The following ASB4 variants were observed in gnomAD, a reference collection of about 807,000 sequenced individuals.
ASB4 encodes the protein ankyrin repeat and SOCS box protein 4.
A neutral mutation model predicts 38.6 loss-of-function variants in ASB4; 35 were observed. The observed-to-expected ratio is 0.91, with a 90% CI of 0.69 to 1.20. The LOEUF is 1.20. Ranked by LOEUF, ASB4 falls within the 50% of genes most tolerant of loss-of-function variation. The pLI is 0.00. For synonymous variants in ASB4, 195 were observed against 201.3 expected, an observed-to-expected ratio of 0.97 and a Z score of 0.26; for missense variants, 557 against 527.2, an observed-to-expected ratio of 1.06 and a Z score of -0.55.
At chr7:95,477,818 A>C (rs10233276), upstream of ASB4, among the ~76,000 whole-genome samples, 1,367 of 150,380 alleles carry the variant, frequency 9.1e-3, 23 homozygotes, top group African/African-American at 0.032. Flanking sequence ...GTTTCTCTTT[A>C]GGTATACTAT....
chr7:95,550,951 G>GT, the ASB4 span, among the ~76,000 whole-genome samples: 4 of 152,016 alleles, frequency 2.6e-5, no homozygotes, highest in African/African-American at 9.7e-5. Context: ...TATTTACCAT[G>GT]TTTTTTCCTC....
chr7:95,495,210 A>G lies in ASB4; in HGVS notation c.188-548A>G, dbSNP rs1374473653. 2.0e-5 allele frequency among the ~76,000 whole-genome samples: 3 copies of G among 152,340 alleles called. No individual in the cohort carries two copies. The East Asian group carries it at 5.8e-4, about 29-fold the overall frequency. On this transcript the variant is annotated intron_variant, in intron 1 of 4. Transcript: ENST00000325885. ...AGCGATATTGCATAAATCAACAGGC[A>G]GGCAAATAAAATCTTGGAGTGATAA...
intron 2 of ASB4, among the ~76,000 whole-genome samples, chr7:95,521,500 A>G (rs962100858): frequency 1.1e-4 from 16 of 152,104 alleles, no homozygotes; most frequent in Admixed American, 8.5e-4. Context: ...TGATGAATAT[A>G]ATTTAATATG....
intron 1 of ASB4, among the ~76,000 whole-genome samples, chr7:95,494,792 G>C (rs575789306): frequency 2.0e-5 from 3 of 152,158 alleles, no homozygotes; most frequent in Non-Finnish European, 2.9e-5. Flanking sequence ...CCAGCTCAGC[G>C]TATAGAAGTC....
intron 4 of ASB4, 136 bp downstream of exon 4, chr7:95,536,686 G>T (rs560378182): frequency 1.8e-6 from 1 of 543,112 alleles, no homozygotes; most frequent in Non-Finnish European, 3.3e-6. Context: ...GAGACAAAGG[G>T]TTATAAAATG....
chr7:95,536,628 C>T (rs1790893857), intron 4 of ASB4, 78 bp downstream of exon 4: 1 of 1,081,776 alleles, frequency 9.2e-7, no homozygotes, highest in African/African-American at 1.6e-5. Context: ...AAAATTGTAA[C>T]AAAAAAGTTG....
At chr7:95,485,083 C>A (rs1480105984), upstream of ASB4, among the ~76,000 whole-genome samples, 1 of 149,500 alleles carries the variant, frequency 6.7e-6, no homozygotes, top group Non-Finnish European at 1.5e-5. Flanking sequence ...CACATACACA[C>A]ACATCTATTT....
At chr7:95,498,051 A>T (rs1790276739) in intron 2 of ASB4, among the ~76,000 whole-genome samples, 1 of 152,180 alleles carries the variant, frequency 6.6e-6, no homozygotes, top group Admixed American at 6.5e-5. Context: ...TAGGAGTGGG[A>T]TGATGGCTAT....
chr7:95,550,261 G>A, the ASB4 span, among the ~76,000 whole-genome samples: 1 of 152,256 alleles, frequency 6.6e-6, no homozygotes, highest in South Asian at 2.1e-4. Flanking sequence ...ACTCCAGAGA[G>A]GAACTATGTG....
intron 2 of ASB4, among the ~76,000 whole-genome samples, chr7:95,523,034 A>C (rs1413912043): frequency 6.6e-6 from 1 of 152,184 alleles, no homozygotes; most frequent in Admixed American, 6.5e-5. Flanking sequence ...TGTAAAGAAA[A>C]CTTTTTAGAG....
rs1420581416 is a variant in ASB4, at chr7:95,515,316, T to TCTTTCTTTCTTTCTTC, written c.488-12494_488-12493insTCTTTCTTTCTTCCTT. Among the ~76,000 whole-genome samples the TCTTTCTTTCTTTCTTC allele has an allele frequency of 6.7e-3, 646 of 95,726 alleles. 34 individuals carry two copies. Among genetic ancestry groups the TCTTTCTTTCTTTCTTC allele is most frequent in the Admixed American group, 9.5e-3 (83 of 8,772 alleles). The allele number at this position is 95,726 out of a possible 152,430, so 62.8% of individuals were successfully genotyped here. On this transcript the variant is annotated intron_variant, in intron 2 of 4. Coordinates refer to ENST00000325885, the MANE Select transcript of ASB4 (RefSeq NM_016116.3). Reference sequence around the variant, plus strand: ...TTCTTTCTTTCTTTCTTTCTTTCTTTCTTCCTTCCTTCCTTCCTTTCTTTC... The same window carrying TCTTTCTTTCTTTCTTC: ...TTCTTTCTTTCTTTCTTTCTTTCTTTCTTTCTTTCTTTCTTCCTTCCTTCCTTCCTTCCTTTCTTTC...
intron 4 of ASB4, 57 bp downstream of exon 4, chr7:95,536,607 T>G: frequency 7.9e-7 from 1 of 1,267,486 alleles, no homozygotes; most frequent in Non-Finnish European, 1.1e-6. Context: ...CAGACTGCTC[T>G]AGAAGTACAG....
the ASB4 span, among the ~76,000 whole-genome samples, chr7:95,549,006 T>C: frequency 6.6e-6 from 1 of 152,318 alleles, no homozygotes; most frequent in East Asian, 1.9e-4. Flanking sequence ...ATCACTTGCA[T>C]ACCAATGCCT....
intron 1 of ASB4, among the ~76,000 whole-genome samples, chr7:95,489,328 A>G (rs1419710875): frequency 6.6e-6 from 1 of 152,216 alleles, no homozygotes; most frequent in Non-Finnish European, 1.5e-5. Flanking sequence ...TTTCCTCTGT[A>G]GCACTGGGCC....
chr7:95,550,054 C>T, the ASB4 span, among the ~76,000 whole-genome samples: 23 of 152,168 alleles, frequency 1.5e-4, no homozygotes, highest in African/African-American at 2.4e-5. Flanking sequence ...AGGAGGTTAG[C>T]TGAAATCCAA....
the ASB4 span, among the ~76,000 whole-genome samples, chr7:95,546,095 T>C: frequency 2.8e-4 from 42 of 152,362 alleles, no homozygotes; most frequent in African/African-American, 9.9e-4. Flanking sequence ...TTCCCACCTT[T>C]GTAACTAGGA....
chr7:95,536,355 T>C, intron 3 of ASB4, 82 bp from the exon 4 acceptor site: 2 of 868,992 alleles, frequency 2.3e-6, no homozygotes, highest in Non-Finnish European at 3.7e-6. Context: ...CACTGGTCTG[T>C]GAATTCTTGA....
intron 2 of ASB4, among the ~76,000 whole-genome samples, chr7:95,506,051 C>A (rs549654095): frequency 1.8e-4 from 27 of 152,008 alleles, no homozygotes; most frequent in African/African-American, 5.8e-4. Context: ...ATGGGCCGTG[C>A]CTGGCTAATT....
chr7:95,517,511 A>C (rs755944858), intron 2 of ASB4, among the ~76,000 whole-genome samples: 2 of 152,158 alleles, frequency 1.3e-5, no homozygotes, highest in Non-Finnish European at 2.9e-5. Context: ...GTGAGGCAAA[A>C]ATTTAGGGAG....
Sources: allele counts gnomAD v4.1 joint callset (sites outside exome capture counted in the v4.1 genomes callset), GRCh38; gene constraint gnomAD v4.1.1; transcripts MANE v1.5; gene names NCBI Gene and HGNC (gene_info 2026-07-23, HGNC 2026-07-21).